Variants in RANBP17 observed in about 807,000 individuals in gnomAD.
The protein encoded by RANBP17 is ran-binding protein 17.
In RANBP17, 158 loss-of-function variants were observed where a neutral mutation model predicts 141.2. That is an observed-to-expected ratio of 1.12 (90% confidence interval 0.98 to 1.28). RANBP17 has a LOEUF of 1.28. RANBP17 is among the 50% of genes most tolerant of loss of function. The pLI is 0.00. For synonymous variants in RANBP17, 430 were observed against 450.0 expected (o/e 0.96, Z 0.56); for missense variants, 1,438 against 1,290.7 (o/e 1.11, Z -1.75).
At chr5:171,244,370 C>G (rs958888913) in intron 24 of RANBP17, among the ~76,000 whole-genome samples, 2 of 152,022 alleles carry the variant, frequency 1.3e-5, no homozygotes, top group African/African-American at 4.8e-5. Flanking sequence ...GAACGAAACT[C>G]CATCTCAAAA....
chr5:171,147,375 G>GTGTGTGTA (rs1758114771), intron 14 of RANBP17, among the ~76,000 whole-genome samples: 2 of 145,550 alleles, frequency 1.4e-5, no homozygotes, highest in Non-Finnish European at 3.0e-5. Flanking sequence ...GTGTGTGTGT[G>GTGTGTGTA]TGTGTGGTTG....
At position 170,864,362 on chromosome 5, in the gene RANBP17, TTG is replaced by T. The variant is rs546129061; in HGVS notation, c.18+2317_18+2318del. 1.1e-4 allele frequency among the ~76,000 whole-genome samples: 17 copies of T among 152,334 alleles called. No homozygotes were observed. In the East Asian group the frequency reaches 1.7e-3, roughly 16 times the overall value. ...TCATGACATACATAAAAAATGTTAATTGTGTGTCTCATTAACATAAACCGCTC... is the reference window on the plus strand; with the variant it reads ...TCATGACATACATAAAAAATGTTAATTGTGTCTCATTAACATAAACCGCTC... On this transcript the variant is annotated intron_variant, in intron 1 of 27. Coordinates refer to ENST00000523189, the MANE Select transcript of RANBP17 (RefSeq NM_022897.5).
At chr5:170,970,474 G>C (rs975590192) in intron 14 of RANBP17, 2 of 151,982 alleles carry the variant, frequency 1.3e-5, no homozygotes, top group African/African-American at 4.8e-5. Context: ...TACTTTATAT[G>C]TGGTAAACTT....
chr5:170,917,535 A>C (rs896371373), intron 9 of RANBP17, among the ~76,000 whole-genome samples: 4 of 152,290 alleles, frequency 2.6e-5, no homozygotes, highest in Non-Finnish European at 5.9e-5. Context: ...CTTGGTTATT[A>C]ATAAATTTTG....
chr5:171,294,136 A>AGGCCCTTCCCCACAG (rs1768676518), intron 26 of RANBP17, among the ~76,000 whole-genome samples, 155 bp downstream of exon 26: 2 of 152,096 alleles, frequency 1.3e-5, no homozygotes, highest in South Asian at 4.1e-4. Flanking sequence ...TTCCCCTACA[A>AGGCCCTTCCCCACAG]GGCCCTTCCC....
At chr5:170,883,073 A>G (rs1338613141) in intron 3 of RANBP17, among the ~76,000 whole-genome samples, 1 of 152,164 alleles carries the variant, frequency 6.6e-6, no homozygotes, top group African/African-American at 2.4e-5. Context: ...TTTCCTCTAT[A>G]TTGACTGTTA....
At chr5:171,251,653 C>T (rs1396800830) in intron 24 of RANBP17, among the ~76,000 whole-genome samples, 3 of 152,164 alleles carry the variant, frequency 2.0e-5, no homozygotes, top group East Asian at 1.9e-4. Flanking sequence ...GCTTGAGCGC[C>T]GGTGGCGACG....
chr5:171,043,386 A>G (rs971848975), intron 14 of RANBP17, among the ~76,000 whole-genome samples: 1 of 152,016 alleles, frequency 6.6e-6, no homozygotes, highest in Admixed American at 6.6e-5. Context: ...AGATGTTCCA[A>G]TGGTTCAGTT....
intron 14 of RANBP17, among the ~76,000 whole-genome samples, chr5:171,016,081 C>A (rs1780403853): frequency 6.6e-6 from 1 of 151,980 alleles, no homozygotes; most frequent in African/African-American, 2.4e-5. Flanking sequence ...TCCATCTCCT[C>A]AACTTAAAAA....
intron 14 of RANBP17, among the ~76,000 whole-genome samples, chr5:171,090,560 G>A (rs775994801): frequency 8.5e-5 from 13 of 152,144 alleles, no homozygotes; most frequent in South Asian, 2.1e-4. Flanking sequence ...AGGAGGAGCC[G>A]AATGTTAACC....
chr5:170,904,769 A>G (rs964111965), intron 5 of RANBP17, among the ~76,000 whole-genome samples: 1 of 152,168 alleles, frequency 6.6e-6, no homozygotes, highest in East Asian at 1.9e-4. Flanking sequence ...ATACACTGAT[A>G]ATCATGTCTT....
chr5:171,128,330 C>T (rs537740541), intron 14 of RANBP17, among the ~76,000 whole-genome samples: 3 of 152,078 alleles, frequency 2.0e-5, no homozygotes, highest in South Asian at 4.2e-4. Flanking sequence ...TGAAAAAAAG[C>T]GTGAAATCAT....
At chr5:171,252,493 G>C (rs1326694792) in intron 24 of RANBP17, 3 of 1,448,118 alleles carry the variant, frequency 2.1e-6, no homozygotes, top group Admixed American at 3.4e-5. Context: ...CCTATGCAGT[G>C]AGTACAAGTA....
chr5:171,181,471 AAC>A (rs1760855777), intron 16 of RANBP17, among the ~76,000 whole-genome samples: 1 of 152,144 alleles, frequency 6.6e-6, no homozygotes, highest in East Asian at 1.9e-4. Flanking sequence ...AAAAAAGAAA[AAC>A]ACAGTGCACT....
chr5:170,880,061 G>GTTTTACCAC (rs990075760), intron 2 of RANBP17, among the ~76,000 whole-genome samples: 1 of 152,052 alleles, frequency 6.6e-6, no homozygotes, highest in Non-Finnish European at 1.5e-5. Context: ...CGCTCCATAT[G>GTTTTACCAC]TTTTACCACT....
At chr5:171,162,370 A>G (rs1340231274) in intron 14 of RANBP17, among the ~76,000 whole-genome samples, 1 of 152,092 alleles carries the variant, frequency 6.6e-6, no homozygotes, top group Non-Finnish European at 1.5e-5. Flanking sequence ...TAACTGGTGC[A>G]CTCAACCCAG....
At chr5:171,221,601 A>G (rs1763559424) in intron 21 of RANBP17, among the ~76,000 whole-genome samples, 157 bp from the exon 22 acceptor site, 1 of 152,234 alleles carries the variant, frequency 6.6e-6, no homozygotes, top group Admixed American at 6.5e-5. Context: ...AGAAATTAGC[A>G]TACGTATTTT....
chr5:170,926,959 TG>T (rs1212514323), intron 12 of RANBP17, among the ~76,000 whole-genome samples: 1 of 152,156 alleles, frequency 6.6e-6, no homozygotes, highest in Non-Finnish European at 1.5e-5. Flanking sequence ...TCTTATTTTT[TG>T]TAGATACATA....
chr5:171,159,973 G>A (rs2127853750), intron 14 of RANBP17, among the ~76,000 whole-genome samples: 1 of 150,636 alleles, frequency 6.6e-6, no homozygotes, highest in East Asian at 1.9e-4. Flanking sequence ...CAATTGGATG[G>A]ACCTATTGAT....
Sources: gnomAD v4.1 joint callset for allele counts (sites outside exome capture counted in the v4.1 genomes callset) on GRCh38, gnomAD v4.1.1 for gene constraint, MANE v1.5 for transcripts, NCBI Gene and HGNC (gene_info 2026-07-23, HGNC 2026-07-21) for gene names.